The following FLT1 variants were observed in gnomAD, a reference collection of about 807,000 sequenced individuals.
The protein encoded by FLT1 is vascular endothelial growth factor receptor 1.
FLT1 carries 49 observed loss-of-function variants against 156.3 expected under a neutral mutation model. That is an observed-to-expected ratio of 0.31 (90% CI 0.25 to 0.40). The LOEUF (loss-of-function observed/expected upper bound fraction) is 0.40. FLT1 is among the 10% of genes least tolerant of loss of function. The pLI is 1.00. For synonymous variants in FLT1, 594 were observed against 583.8 expected (o/e 1.02, Z -0.25); for missense variants, 1,322 against 1,637.2 (o/e 0.81, Z 3.32).
At position 28,467,538 on chromosome 13, in the gene FLT1, T is replaced by C. The variant is rs1401613039; in HGVS notation, c.144A>G (p.Thr48=). The C allele has an allele frequency of 3.1e-6, 5 of 1,608,290 alleles. No homozygotes were observed. The highest frequency in any genetic ancestry group is 2.7e-5 in the African/African-American group (2 of 74,704). The stretch of plus-strand genomic sequence containing the variant: ...CCACTTACCTGCATTGGAGATGCAG[T>C]GTCTGGCCTGCTTGCATGATGTGCT... ...GTQHIMQAGQ[T]LHLQCRGEAA... is the part of the protein sequence containing the mutation. Residue 48 remains threonine (T), a synonymous_variant, in exon 2 of 30, where the codon ACA becomes ACG. Transcript: ENST00000282397.
intron 15 of FLT1, among the ~76,000 whole-genome samples, chr13:28,351,011 C>T (rs1476790304): frequency 1.3e-5 from 2 of 151,912 alleles, no homozygotes; most frequent in African/African-American, 4.8e-5. Context: ...TTACTCCAAC[C>T]CTTTTCTTTT....
intron 18 of FLT1, among the ~76,000 whole-genome samples, chr13:28,332,642 A>G (rs1871975255): frequency 6.6e-6 from 1 of 152,216 alleles, no homozygotes; most frequent in South Asian, 2.1e-4. Context: ...CAAAGCTGGA[A>G]GACTTTCGCA....
chr13:28,460,916 T>C (rs184360518), intron 3 of FLT1, among the ~76,000 whole-genome samples: 8 of 152,112 alleles, frequency 5.3e-5, no homozygotes, highest in African/African-American at 1.9e-4. Context: ...AAACAACACT[T>C]ACCCTTACTC....
At chr13:28,418,714 T>TCACCATG (rs1876809429) in intron 10 of FLT1, among the ~76,000 whole-genome samples, 1 of 152,104 alleles carries the variant, frequency 6.6e-6, no homozygotes, top group Non-Finnish European at 1.5e-5. Context: ...TAGGCGCATG[T>TCACCATG]CACCATGCCC....
chr13:28,355,371 C>T (rs1034759329), intron 15 of FLT1, among the ~76,000 whole-genome samples: 1 of 152,152 alleles, frequency 6.6e-6, no homozygotes, highest in Non-Finnish European at 1.5e-5. Flanking sequence ...ATAAATATTT[C>T]GTGCTAAGTG....
intron 1 of FLT1, among the ~76,000 whole-genome samples, chr13:28,471,096 T>C (rs973540954): frequency 1.3e-5 from 2 of 152,010 alleles, no homozygotes; most frequent in African/African-American, 4.8e-5. Context: ...ACTGAGTGGT[T>C]AAAAGACACT....
At chr13:28,407,854 TAA>T in intron 10 of FLT1, among the ~76,000 whole-genome samples, 1 of 152,344 alleles carries the variant, frequency 6.6e-6, no homozygotes, top group African/African-American at 2.4e-5. Flanking sequence ...TGACAAAGTT[TAA>T]AAGTCATTAT....
At chr13:28,405,745 A>C in intron 11 of FLT1, 35 bp downstream of exon 11, 5 of 1,114,278 alleles carry the variant, frequency 4.5e-6, no homozygotes, top group Non-Finnish European at 5.5e-6. Flanking sequence ...TATTTGTGGA[A>C]TAAATATCCC....
intron 27 of FLT1, among the ~76,000 whole-genome samples, chr13:28,309,884 C>CT (rs60568918): frequency 0.54 from 48,445 of 90,096 alleles, 13,986 homozygotes; most frequent in East Asian, 0.86. Flanking sequence ...TTCTTTTTTC[C>CT]TTTTTTTTTT....
intron 13 of FLT1, chr13:28,388,824 T>C: frequency 9.4e-7 from 1 of 1,061,740 alleles, no homozygotes; most frequent in Non-Finnish European, 1.1e-6. Flanking sequence ...GCTGTCATTT[T>C]AACATGATGA....
At chr13:28,480,327 G>A (rs767853551) in intron 1 of FLT1, among the ~76,000 whole-genome samples, 1 of 152,080 alleles carries the variant, frequency 6.6e-6, no homozygotes, top group Non-Finnish European at 1.5e-5. Context: ...CAAGACAAAC[G>A]AGGTTGCTTC....
chr13:28,446,583 ATATT>A (rs1362809063), intron 3 of FLT1, among the ~76,000 whole-genome samples: 1 of 152,252 alleles, frequency 6.6e-6, no homozygotes, highest in South Asian at 2.1e-4. Flanking sequence ...GTTTAGGAAT[ATATT>A]TAACAAAAGA....
intron 14 of FLT1, among the ~76,000 whole-genome samples, chr13:28,358,288 C>T (rs2137412479): frequency 6.6e-6 from 1 of 152,272 alleles, no homozygotes; most frequent in African/African-American, 2.4e-5. Context: ...GTCAATATAG[C>T]CTAGTGATGA....
At chr13:28,383,648 C>A (rs1246241532) in intron 14 of FLT1, among the ~76,000 whole-genome samples, 8 of 148,586 alleles carry the variant, frequency 5.4e-5, no homozygotes, top group Admixed American at 4.0e-4. Flanking sequence ...GGCGACAGAG[C>A]GAGACTCTGT....
At chr13:28,337,721 G>A (rs1872175467) in intron 17 of FLT1, among the ~76,000 whole-genome samples, 1 of 152,208 alleles carries the variant, frequency 6.6e-6, no homozygotes, top group South Asian at 2.1e-4. Context: ...AGAGCCCCAG[G>A]GGAATTCTGG....
At chr13:28,362,587 G>A (rs1226676145) in intron 14 of FLT1, among the ~76,000 whole-genome samples, 1 of 152,156 alleles carries the variant, frequency 6.6e-6, no homozygotes, top group East Asian at 1.9e-4. Flanking sequence ...TGGAGGCCGA[G>A]GTGGGCAGAT....
At chr13:28,469,525 G>A (rs543338758) in intron 1 of FLT1, among the ~76,000 whole-genome samples, 1 of 152,268 alleles carries the variant, frequency 6.6e-6, no homozygotes, top group East Asian at 1.9e-4. Context: ...GAAAGCCTAC[G>A]AGCCACCTCA....
intron 14 of FLT1, chr13:28,368,525 T>C (rs1873395631): frequency 6.5e-7 from 1 of 1,547,098 alleles, no homozygotes; most frequent in African/African-American, 1.4e-5. Flanking sequence ...ATAATAGTTT[T>C]CAATAAATGG....
rs369436839 is a variant in FLT1 at position 28,427,958 on chromosome 13, C to G, written c.1107-37G>C. 10 of 1,574,286 alleles carry G rather than the reference C, an allele frequency of 6.4e-6. No homozygotes were observed. The African/African-American group carries it at 1.2e-4, about 19-fold the overall frequency. On this transcript the variant is annotated intron_variant, in intron 8 of 29. Coordinates refer to ENST00000282397, the MANE Select transcript of FLT1 (RefSeq NM_002019.4). Reference sequence around the variant, plus strand: ...AACATGATCAGTAAGTCATTTCACACGGCCTCTCAATATCACTTTGATAAC... The same window carrying G: ...AACATGATCAGTAAGTCATTTCACAGGGCCTCTCAATATCACTTTGATAAC...
Sources: allele counts gnomAD v4.1 joint callset (sites outside exome capture counted in the v4.1 genomes callset), GRCh38; gene constraint gnomAD v4.1.1; transcripts MANE v1.5; gene names NCBI Gene and HGNC (gene_info 2026-07-23, HGNC 2026-07-21).